The following ADAM18 variants were observed in gnomAD, a reference collection of about 807,000 sequenced individuals.
ADAM18 encodes ADAM metallopeptidase domain 18.
ADAM18 carries 117 observed loss-of-function variants against 94.4 expected under a neutral mutation model. The observed-to-expected ratio is 1.24, with a 90% confidence interval of 1.07 to 1.45. The LOEUF is 1.45. Ranked by LOEUF, ADAM18 falls within the 40% of genes most tolerant of loss-of-function variation. ADAM18 has a pLI of 0.00. For missense variants in ADAM18, 936 were observed against 880.0 expected (o/e 1.06, Z -0.81); for synonymous variants, 327 against 291.6 (o/e 1.12, Z -1.24).
chr8:39,699,100 C>T (rs1821998312), intron 17 of ADAM18, among the ~76,000 whole-genome samples: 1 of 152,014 alleles, frequency 6.6e-6, no homozygotes, highest in Non-Finnish European at 1.5e-5. Context: ...GCCCTGATTA[C>T]TGTCAAGCTG....
At chr8:39,725,571 T>G (rs1822880107) in intron 19 of ADAM18, among the ~76,000 whole-genome samples, 1 of 152,200 alleles carries the variant, frequency 6.6e-6, no homozygotes, top group Non-Finnish European at 1.5e-5. Context: ...AGTCCACATA[T>G]AGTTAAGATC....
At chr8:39,685,641 T>A (rs1466821403) in intron 16 of ADAM18, among the ~76,000 whole-genome samples, 2 of 152,212 alleles carry the variant, frequency 1.3e-5, no homozygotes, top group African/African-American at 4.8e-5. Flanking sequence ...CTCCTGAACA[T>A]GCTTTTTCAT....
At chr8:39,700,446 C>T (rs115172305) in intron 17 of ADAM18, among the ~76,000 whole-genome samples, 2,995 of 151,722 alleles carry the variant, frequency 0.02, 89 homozygotes, top group African/African-American at 0.069. Flanking sequence ...AAGCAATTCT[C>T]TCACTGAAAT....
chr8:39,612,257 A>G (rs1049811484), intron 6 of ADAM18, among the ~76,000 whole-genome samples: 5 of 152,032 alleles, frequency 3.3e-5, no homozygotes, highest in Middle Eastern at 3.2e-3. Flanking sequence ...GAAGGAAGGA[A>G]TTGAGGGTGG....
intron 18 of ADAM18, among the ~76,000 whole-genome samples, chr8:39,721,821 T>G (rs1274978864): frequency 6.6e-6 from 1 of 151,416 alleles, no homozygotes; most frequent in African/African-American, 2.4e-5. Context: ...ACATTAGTAC[T>G]ATAACCATGG....
intron 12 of ADAM18, among the ~76,000 whole-genome samples, chr8:39,661,319 A>ATTTTTTTTTTTT (rs71518171): frequency 5.3e-5 from 6 of 112,850 alleles, no homozygotes; most frequent in African/African-American, 2.5e-4. Context: ...CACCCGGCAA[A>ATTTTTTTTTTTT]TTTTTTTTTT....
intron 1 of ADAM18, 128 bp from the exon 2 acceptor site, chr8:39,585,148 A>G: frequency 1.5e-6 from 1 of 647,254 alleles, no homozygotes; most frequent in South Asian, 2.0e-5. Flanking sequence ...AAAGAGTGTG[A>G]GCACATGAGA....
chr8:39,633,973 C>A (rs1391375920), intron 7 of ADAM18, among the ~76,000 whole-genome samples: 1 of 151,980 alleles, frequency 6.6e-6, no homozygotes. Flanking sequence ...GCAGAATAAC[C>A]CCAAAGACAT....
At chr8:39,652,656 T>G (rs1177771933) in intron 12 of ADAM18, among the ~76,000 whole-genome samples, 1 of 152,100 alleles carries the variant, frequency 6.6e-6, no homozygotes. Flanking sequence ...ACTTAGAACT[T>G]CATATAATCC....
intron 2 of ADAM18, among the ~76,000 whole-genome samples, chr8:39,591,206 G>A (rs576773097): frequency 6.6e-6 from 1 of 152,266 alleles, no homozygotes; most frequent in Non-Finnish European, 1.5e-5. Flanking sequence ...TCAGGGTGGT[G>A]GTTGAAGGTT....
chr8:39,693,508 A>G (rs944900109), intron 17 of ADAM18, among the ~76,000 whole-genome samples: 1 of 151,236 alleles, frequency 6.6e-6, no homozygotes, highest in Non-Finnish European at 1.5e-5. Flanking sequence ...AAGTTATGCA[A>G]TATCTCAACA....
intron 19 of ADAM18, among the ~76,000 whole-genome samples, chr8:39,724,488 T>C (rs1336493254): frequency 1.3e-5 from 2 of 151,930 alleles, no homozygotes; most frequent in African/African-American, 2.4e-5. Flanking sequence ...TTTGTTAATT[T>C]TGCTGATATT....
At chr8:39,700,788 G>A (rs561070386) in intron 17 of ADAM18, among the ~76,000 whole-genome samples, 1 of 151,884 alleles carries the variant, frequency 6.6e-6, no homozygotes, top group African/African-American at 2.4e-5. Flanking sequence ...GTTCATATAA[G>A]ACTTAGAATA....
chr8:39,626,967 A>T (rs1197993939), intron 6 of ADAM18, among the ~76,000 whole-genome samples: 1 of 152,082 alleles, frequency 6.6e-6, no homozygotes, highest in Non-Finnish European at 1.5e-5. Flanking sequence ...TCTGCCTTGA[A>T]ATCTGTCTAG....
intron 18 of ADAM18, among the ~76,000 whole-genome samples, chr8:39,722,562 A>G (rs1822790215): frequency 6.6e-6 from 1 of 151,274 alleles, no homozygotes; most frequent in African/African-American, 2.4e-5. Flanking sequence ...GTGAAAAATT[A>G]CCTATTGAAT....
chr8:39,661,254 G>A (rs1407663458), intron 12 of ADAM18, among the ~76,000 whole-genome samples: 5 of 142,962 alleles, frequency 3.5e-5, no homozygotes, highest in African/African-American at 7.9e-5. Context: ...CTGGGTTCAC[G>A]CCATTCTCCT....
At chr8:39,713,401 C>G (rs1822474490) in intron 18 of ADAM18, among the ~76,000 whole-genome samples, 1 of 152,136 alleles carries the variant, frequency 6.6e-6, no homozygotes, top group Admixed American at 6.5e-5. Flanking sequence ...ACGACTAAAA[C>G]ACGAAAAGCA....
chr8:39,646,379 CAATT>C (rs1199730233), intron 11 of ADAM18, among the ~76,000 whole-genome samples: 3 of 151,718 alleles, frequency 2.0e-5, no homozygotes, highest in East Asian at 3.9e-4. Flanking sequence ...TAATTAAAAA[CAATT>C]AAAACAATTA....
At chr8:39,639,521 A>G (rs1179806723) in intron 10 of ADAM18, among the ~76,000 whole-genome samples, 2 of 151,950 alleles carry the variant, frequency 1.3e-5, no homozygotes, top group East Asian at 1.9e-4. Context: ...TTGACTTCCT[A>G]TTATTGAAGT....
Sources: gnomAD v4.1 joint callset for allele counts (sites outside exome capture counted in the v4.1 genomes callset) on GRCh38, gnomAD v4.1.1 for gene constraint, MANE v1.5 for transcripts, NCBI Gene and HGNC (gene_info 2026-07-23, HGNC 2026-07-21) for gene names.